Variants in CCBE1 observed in about 807,000 individuals in gnomAD.
CCBE1 encodes collagen and calcium-binding EGF domain-containing protein 1.
Under a neutral mutation model 50.0 loss-of-function variants are expected in CCBE1, and 37 were observed. The ratio of observed to expected loss-of-function variants is 0.74; its 90% CI spans 0.57 to 0.97. The LOEUF is 0.97. CCBE1 is among the 50% of genes least tolerant of loss of function. The probability of loss-of-function intolerance (pLI) is 0.00; values close to 1 mark genes in which losing one functional copy is unlikely to be tolerated. For synonymous variants in CCBE1, 234 were observed against 203.7 expected (o/e 1.15, Z -1.27); for missense variants, 538 against 523.8 (o/e 1.03, Z -0.26).
chr18:59,604,787 A>G (rs1745118681), intron 2 of CCBE1, among the ~76,000 whole-genome samples: 1 of 152,240 alleles, frequency 6.6e-6, no homozygotes, highest in Non-Finnish European at 1.5e-5. Flanking sequence ...TACACTGTCT[A>G]GTTTTGTTGG....
intron 7 of CCBE1, among the ~76,000 whole-genome samples, chr18:59,446,261 A>G (rs1388796258): frequency 6.6e-6 from 1 of 152,252 alleles, no homozygotes; most frequent in Non-Finnish European, 1.5e-5. Flanking sequence ...TAAGCAAGAC[A>G]GCCAATGACT....
intron 7 of CCBE1, among the ~76,000 whole-genome samples, chr18:59,440,138 A>G (rs115052289): frequency 6.6e-6 from 1 of 152,100 alleles, no homozygotes; most frequent in Non-Finnish European, 1.5e-5. Flanking sequence ...CCTCTTTAAC[A>G]TCTCACAGCT....
chr18:59,459,221 A>G (rs1316035450), intron 5 of CCBE1: 1 of 152,222 alleles, frequency 6.6e-6, no homozygotes, highest in South Asian at 2.1e-4. Context: ...GGGACCTTAC[A>G]TCACCTTTTC....
In CCBE1 at chr18:59,513,528, A is replaced by G. The variant is rs112822083; in HGVS notation, c.213-33290T>C. Among the ~76,000 whole-genome samples the G allele has an allele frequency of 5.2e-3, 798 of 152,298 alleles. 6 individuals are homozygous for G. Among genetic ancestry groups the G allele is most frequent in the African/African-American group, 0.018 (737 of 41,562 alleles). On this transcript the variant is annotated intron_variant, in intron 2 of 10. Coordinates refer to ENST00000439986, the MANE Select transcript of CCBE1 (RefSeq NM_133459.4). ...ACTTCAGTGTGGAACTTCCGACACC[A>G]CAGTCAGGTAAGTCTGGAGGCAGGT...
At chr18:59,550,513 G>A (rs1315049570) in intron 2 of CCBE1, among the ~76,000 whole-genome samples, 1 of 152,094 alleles carries the variant, frequency 6.6e-6, no homozygotes, top group East Asian at 1.9e-4. Context: ...TGACTCCCTG[G>A]TCAATCTTTT....
intron 2 of CCBE1, among the ~76,000 whole-genome samples, chr18:59,643,537 G>C (rs191119209): frequency 6.6e-6 from 1 of 152,166 alleles, no homozygotes; most frequent in Non-Finnish European, 1.5e-5. Flanking sequence ...GGTGGCTCAC[G>C]CTTATAATCC....
chr18:59,445,273 T>C (rs971357215), intron 7 of CCBE1, among the ~76,000 whole-genome samples: 7 of 152,198 alleles, frequency 4.6e-5, no homozygotes, highest in Non-Finnish European at 8.8e-5. Context: ...ACATTGTGTT[T>C]TAACCCATTT....
chr18:59,551,926 T>G (rs984918372), intron 2 of CCBE1, among the ~76,000 whole-genome samples: 1 of 152,224 alleles, frequency 6.6e-6, no homozygotes, highest in African/African-American at 2.4e-5. Flanking sequence ...ACTCAGTGGC[T>G]GAAAACCAGC....
In CCBE1 at chr18:59,589,848, A is replaced by G. The variant is rs948751823; in HGVS notation, c.212+106781T>C. Among the ~76,000 whole-genome samples, 7 of 151,484 alleles carry G rather than the reference A, an allele frequency of 4.6e-5. No individual in the cohort carries two copies. The East Asian group carries it at 1.4e-3, about 29-fold the overall frequency. On this transcript the variant is annotated intron_variant, in intron 2 of 10. Transcript: ENST00000439986. ...AAAATGTTACACACCTTGACCAGCT[A>G]GGATGTACTTCAGGAGTGTATATTT...
At chr18:59,520,795 G>T (rs1350959870) in intron 2 of CCBE1, among the ~76,000 whole-genome samples, 1 of 152,146 alleles carries the variant, frequency 6.6e-6, no homozygotes, top group South Asian at 2.1e-4. Context: ...AATGAGCATT[G>T]TTTTCTTCTC....
intron 2 of CCBE1, among the ~76,000 whole-genome samples, chr18:59,646,621 G>C (rs1019835065): frequency 2.0e-5 from 3 of 152,178 alleles, no homozygotes; most frequent in African/African-American, 7.2e-5. Context: ...ATGTGACCAG[G>C]TTGGACTCTC....
chr18:59,595,375 C>A (rs184074282), intron 2 of CCBE1, among the ~76,000 whole-genome samples: 1 of 152,274 alleles, frequency 6.6e-6, no homozygotes, highest in East Asian at 1.9e-4. Flanking sequence ...AAGTTACTAA[C>A]CTTTCTTACT....
At chr18:59,589,969 A>G (rs575274417) in intron 2 of CCBE1, among the ~76,000 whole-genome samples, 1 of 152,294 alleles carries the variant, frequency 6.6e-6, no homozygotes, top group East Asian at 1.9e-4. Context: ...AGCTTCTGAC[A>G]ATTCAGCACC....
intron 2 of CCBE1, among the ~76,000 whole-genome samples, chr18:59,544,153 C>T (rs1454653158): frequency 1.3e-5 from 2 of 152,006 alleles, no homozygotes; most frequent in Non-Finnish European, 2.9e-5. Context: ...AATAAGCAGC[C>T]GATTTCAAAG....
At chr18:59,624,278 C>A (rs1470024431) in intron 2 of CCBE1, among the ~76,000 whole-genome samples, 1 of 152,176 alleles carries the variant, frequency 6.6e-6, no homozygotes, top group Admixed American at 6.5e-5. Flanking sequence ...TCTCTTTGGC[C>A]TGTGACATAA....
chr18:59,593,112 GAA>G, intron 2 of CCBE1, among the ~76,000 whole-genome samples: 1 of 152,300 alleles, frequency 6.6e-6, no homozygotes, highest in Admixed American at 6.5e-5. Context: ...TAAGGTTGCT[GAA>G]AAGTTATATT....
chr18:59,531,574 C>T (rs1371312430), intron 2 of CCBE1, among the ~76,000 whole-genome samples: 2 of 152,054 alleles, frequency 1.3e-5, no homozygotes, highest in Non-Finnish European at 2.9e-5. Flanking sequence ...ACAGCGAGAT[C>T]CTATCTCTAC....
chr18:59,591,106 C>T (rs1375063184), intron 2 of CCBE1, among the ~76,000 whole-genome samples: 3 of 88,086 alleles, frequency 3.4e-5, no homozygotes, highest in African/African-American at 7.3e-5. Context: ...ATTAGCCGGG[C>T]GTGATGGTGG....
At chr18:59,529,450 GCA>G (rs1914963278) in intron 2 of CCBE1, among the ~76,000 whole-genome samples, 1 of 152,254 alleles carries the variant, frequency 6.6e-6, no homozygotes, top group Non-Finnish European at 1.5e-5. Context: ...TGGAGAATCT[GCA>G]CAGCTCTGTG....
Sources: gnomAD v4.1 joint callset for allele counts (sites outside exome capture counted in the v4.1 genomes callset) on GRCh38, gnomAD v4.1.1 for gene constraint, MANE v1.5 for transcripts, NCBI Gene and HGNC (gene_info 2026-07-23, HGNC 2026-07-21) for gene names.